The following KIF5C variants were observed in gnomAD, a reference collection of about 807,000 sequenced individuals.
KIF5C encodes kinesin heavy chain isoform 5C.
Under a neutral mutation model 125.2 loss-of-function variants are expected in KIF5C, and 18 were observed. The observed-to-expected ratio is 0.14, with a 90% CI of 0.10 to 0.21. The LOEUF is 0.21. KIF5C is among the 10% of genes least tolerant of loss of function. The pLI is 1.00. For missense variants in KIF5C, 780 were observed against 1,183.8 expected (o/e 0.66, Z 5.01); for synonymous variants, 405 against 434.0 (o/e 0.93, Z 0.83).
chr2:148,948,016 A>G, intron 8 of KIF5C: 2 of 456,378 alleles, frequency 4.4e-6, no homozygotes, highest in Non-Finnish European at 8.8e-6. Context: ...ACCTGAGCAG[A>G]AAGTCATCCG....
At chr2:148,995,651 A>G (rs563446385) in intron 17 of KIF5C, among the ~76,000 whole-genome samples, 40 of 152,374 alleles carry the variant, frequency 2.6e-4, no homozygotes, top group Admixed American at 1.4e-3. Flanking sequence ...CCTTTTGATC[A>G]TCACACCTCA....
intron 4 of KIF5C, among the ~76,000 whole-genome samples, chr2:148,938,991 A>C (rs1682348612): frequency 6.6e-6 from 1 of 151,484 alleles, no homozygotes; most frequent in South Asian, 2.1e-4. Context: ...GCTACTCAGG[A>C]GGCTGAGGCA....
At chr2:148,953,456 G>A (rs1262664533) in intron 10 of KIF5C, among the ~76,000 whole-genome samples, 1 of 152,186 alleles carries the variant, frequency 6.6e-6, no homozygotes, top group African/African-American at 2.4e-5. Context: ...AATACCTGCT[G>A]TATTGTTAAA....
At chr2:149,007,068 T>C (rs1453699052) in intron 22 of KIF5C, among the ~76,000 whole-genome samples, 1 of 152,176 alleles carries the variant, frequency 6.6e-6, no homozygotes, top group Non-Finnish European at 1.5e-5. Flanking sequence ...TGTTTAGATA[T>C]GCAAATTCTC....
At chr2:148,994,384 T>G in intron 16 of KIF5C, 37 bp from the exon 17 acceptor site, 2 of 1,546,148 alleles carry the variant, frequency 1.3e-6, no homozygotes, top group Non-Finnish European at 1.7e-6. Flanking sequence ...GATGACCACT[T>G]GCTAGTCATT....
chr2:149,000,543 T>C lies in KIF5C; in HGVS notation c.2312+19T>C, dbSNP rs1406388862. ...AGCTCTTGTGAGTGCACTCTAAATA[T>C]TTCCTCTATTTTCTCTCATCCCCAT... On this transcript the variant is annotated intron_variant, in intron 20 of 25. Transcript: ENST00000435030. 6.5e-7 allele frequency: 1 copy of C among 1,545,248 alleles called. No individual in the cohort carries two copies. The highest frequency in any genetic ancestry group is 8.8e-7 in the Non-Finnish European group (1 of 1,139,538).
intron 1 of KIF5C, among the ~76,000 whole-genome samples, chr2:148,896,247 C>T (rs975321221): frequency 6.6e-6 from 1 of 152,142 alleles, no homozygotes; most frequent in African/African-American, 2.4e-5. Flanking sequence ...GAGCTCTCAG[C>T]GAGCCCTCCT....
At chr2:148,898,782 T>C (rs946354369) in intron 1 of KIF5C, among the ~76,000 whole-genome samples, 1 of 152,224 alleles carries the variant, frequency 6.6e-6, no homozygotes, top group African/African-American at 2.4e-5. Context: ...AACTGAAAGA[T>C]AATAAAATTT....
chr2:148,881,898 T>C (rs1472570880), intron 1 of KIF5C, among the ~76,000 whole-genome samples: 1 of 152,152 alleles, frequency 6.6e-6, no homozygotes, highest in Non-Finnish European at 1.5e-5. Flanking sequence ...AAAAACAAAT[T>C]GCCTACTCCC....
rs958491718 is a variant in KIF5C, at chr2:148,942,885, C to T, written c.589+125C>T. ...ATGGGAAGGTGATTAAAGAGCAGTG[C>T]TCGGACACAGACGCCAGGGTATGTG... On this transcript the variant is annotated intron_variant, in intron 7 of 25. Coordinates refer to ENST00000435030, the MANE Select transcript of KIF5C (RefSeq NM_004522.3). 37 of 1,496,418 alleles carry T rather than the reference C, an allele frequency of 2.5e-5. No homozygotes were observed. In the South Asian group the frequency reaches 2.6e-4, roughly 11 times the overall value. The allele number at this position is 1,496,418 out of a possible 1,614,324, so 92.7% of individuals were successfully genotyped here. A position where few individuals can be genotyped will look rare whatever the true frequency, so the allele number is the denominator to read the frequency against.
intron 1 of KIF5C, among the ~76,000 whole-genome samples, chr2:148,893,860 A>G (rs1681770879): frequency 6.6e-6 from 1 of 152,262 alleles, no homozygotes; most frequent in Admixed American, 6.5e-5. Flanking sequence ...GGACTAAAGA[A>G]GCTGCCTACA....
chr2:148,969,678 G>A (rs1680849647), intron 11 of KIF5C, among the ~76,000 whole-genome samples: 2 of 152,150 alleles, frequency 1.3e-5, no homozygotes, highest in Non-Finnish European at 2.9e-5. Context: ...GTTTGCAGCT[G>A]TCTTCCTTGT....
At chr2:148,961,853 G>A in intron 10 of KIF5C, 118 bp from the exon 11 acceptor site, 1 of 1,425,334 alleles carries the variant, frequency 7.0e-7, no homozygotes, top group Non-Finnish European at 9.4e-7. Context: ...GAAAGCCACA[G>A]GATCCCTTCT....
chr2:148,954,817 A>G (rs1682753836), intron 10 of KIF5C, among the ~76,000 whole-genome samples: 1 of 152,214 alleles, frequency 6.6e-6, no homozygotes, highest in Non-Finnish European at 1.5e-5. Context: ...TGTCACCAGA[A>G]CATGAGAACA....
chr2:148,928,640 A>G (rs983424965), intron 2 of KIF5C, among the ~76,000 whole-genome samples: 3 of 152,110 alleles, frequency 2.0e-5, no homozygotes, highest in Non-Finnish European at 4.4e-5. Context: ...CCTGATGCTG[A>G]TGGGCCTGGG....
At chr2:148,997,412 G>C in intron 18 of KIF5C, 72 bp downstream of exon 18, 1 of 1,605,544 alleles carries the variant, frequency 6.2e-7, no homozygotes, top group Non-Finnish European at 8.5e-7. Context: ...GCTTGTTCTA[G>C]GAAAATCTGT....
intron 1 of KIF5C, chr2:148,886,190 C>G (rs1681521629): frequency 6.6e-6 from 1 of 152,350 alleles, no homozygotes; most frequent in Non-Finnish European, 1.5e-5. Context: ...ATCCAAACCT[C>G]TTCCAGTCCT....
At chr2:148,962,248 C>A in intron 11 of KIF5C, 129 bp downstream of exon 11, 1 of 1,330,618 alleles carries the variant, frequency 7.5e-7, no homozygotes, top group Non-Finnish European at 1.0e-6. Flanking sequence ...TCACCGCAAC[C>A]TCTGCCTCCA....
intron 2 of KIF5C, among the ~76,000 whole-genome samples, chr2:148,922,953 C>T (rs1028449912): frequency 2.0e-5 from 3 of 152,204 alleles, no homozygotes; most frequent in Non-Finnish European, 4.4e-5. Flanking sequence ...TTGCACATTG[C>T]TCTACCTTGT....
Sources: allele counts gnomAD v4.1 joint callset (sites outside exome capture counted in the v4.1 genomes callset), GRCh38; gene constraint gnomAD v4.1.1; transcripts MANE v1.5; gene names NCBI Gene and HGNC (gene_info 2026-07-23, HGNC 2026-07-21).